Variants in PDE11A observed in about 807,000 individuals in gnomAD.
The protein encoded by PDE11A is dual 3',5'-cyclic-AMP and -GMP phosphodiesterase 11A.
PDE11A carries 100 observed loss-of-function variants against 100.5 expected under a neutral mutation model. The ratio of observed to expected loss-of-function variants is 1.00; its 90% CI spans 0.85 to 1.18. The LOEUF is 1.18. Ranked by LOEUF, PDE11A falls within the 50% of genes most tolerant of loss-of-function variation. PDE11A has a pLI of 0.00. For missense variants in PDE11A, 1,141 were observed against 1,152.6 expected (o/e 0.99, Z 0.15); for synonymous variants, 381 against 420.8 (o/e 0.91, Z 1.16).
chr2:177,701,327 T>C (rs2081193488), intron 13 of PDE11A, 116 bp from the exon 14 acceptor site: 1 of 715,256 alleles, frequency 1.4e-6, no homozygotes, highest in Admixed American at 2.0e-5. Flanking sequence ...GACACATCCT[T>C]AGGTAACTGC....
At chr2:177,808,194 C>G (rs2082901048) in intron 9 of PDE11A, among the ~76,000 whole-genome samples, 1 of 152,110 alleles carries the variant, frequency 6.6e-6, no homozygotes, top group African/African-American at 2.4e-5. Context: ...CCTAATCTAA[C>G]ATGTTTTGAG....
chr2:177,711,693 C>G lies in PDE11A; in HGVS notation c.2153+76G>C. The G allele has an allele frequency of 5.9e-6, 5 of 845,236 alleles. No homozygotes were observed. The South Asian group carries it at 7.0e-5, about 12-fold the overall frequency. The allele number at this position is 845,236 out of a possible 1,614,324, so 52.4% of individuals were successfully genotyped here. ...TCGGATGCCAGAAATTAATGCTTTA[C>G]TCTTTAGCATTCGTCACCTTTGGCT... On this transcript the variant is annotated intron_variant, in intron 13 of 19. Transcript: ENST00000286063.
chr2:177,767,059 T>C (rs1361492961), intron 10 of PDE11A, among the ~76,000 whole-genome samples: 2 of 152,210 alleles, frequency 1.3e-5, no homozygotes, highest in Non-Finnish European at 2.9e-5. Flanking sequence ...AGGCCAGGCA[T>C]GGTGGCTCAT....
At chr2:178,032,935 G>GA (rs546993196) in intron 1 of PDE11A, among the ~76,000 whole-genome samples, 58 of 152,060 alleles carry the variant, frequency 3.8e-4, no homozygotes, top group African/African-American at 1.1e-3. Flanking sequence ...ATGAAGATGA[G>GA]AAAAAAACAG....
chr2:177,887,105 T>C (rs557193081), intron 4 of PDE11A, among the ~76,000 whole-genome samples: 1 of 152,154 alleles, frequency 6.6e-6, no homozygotes, highest in African/African-American at 2.4e-5. Context: ...AGAATAAGTC[T>C]TGGTTTTTGA....
chr2:177,754,586 A>ACCTT (rs2082066367), intron 10 of PDE11A, among the ~76,000 whole-genome samples: 1 of 152,164 alleles, frequency 6.6e-6, no homozygotes, highest in South Asian at 2.1e-4. Flanking sequence ...CCCTTCCTTC[A>ACCTT]CCTTCCTCCC....
chr2:177,674,828 A>G (rs1381377509), intron 17 of PDE11A, among the ~76,000 whole-genome samples: 1 of 152,206 alleles, frequency 6.6e-6, no homozygotes, highest in Non-Finnish European at 1.5e-5. Context: ...TCTGGACCCC[A>G]CACAGTAGGT....
At chr2:177,899,576 A>G (rs1469528918) in intron 3 of PDE11A, 1 of 328,012 alleles carries the variant, frequency 3.0e-6, no homozygotes, top group Non-Finnish European at 6.4e-6. Flanking sequence ...ACTAATACAC[A>G]TCCCTTACAT....
At chr2:177,720,384 G>C (rs1386243619) in intron 12 of PDE11A, among the ~76,000 whole-genome samples, 4 of 152,138 alleles carry the variant, frequency 2.6e-5, no homozygotes, top group Admixed American at 2.6e-4. Context: ...GACAGTGTGT[G>C]ATGAAAGCAT....
chr2:177,900,078 G>T (rs926798813), intron 3 of PDE11A, among the ~76,000 whole-genome samples: 1 of 151,966 alleles, frequency 6.6e-6, no homozygotes, highest in Non-Finnish European at 1.5e-5. Flanking sequence ...CTCAGGTCAG[G>T]TATGGATTTG....
chr2:177,723,353 C>T (rs1017469871), intron 12 of PDE11A: 1 of 152,120 alleles, frequency 6.6e-6, no homozygotes, highest in African/African-American at 2.4e-5. Flanking sequence ...ATTTAAGAAG[C>T]CCCCAGTAAA....
intron 5 of PDE11A, among the ~76,000 whole-genome samples, chr2:177,871,000 T>A (rs1430788296): frequency 1.3e-5 from 2 of 152,106 alleles, no homozygotes; most frequent in Non-Finnish European, 2.9e-5. Flanking sequence ...CTGCCTTGAG[T>A]GTACTGGTTC....
chr2:177,947,268 C>G (rs2085454222), intron 2 of PDE11A, among the ~76,000 whole-genome samples: 1 of 139,822 alleles, frequency 7.2e-6, no homozygotes, highest in South Asian at 2.6e-4. Context: ...GGGAGGTGTG[C>G]CCAACAGCTC....
At chr2:177,971,686 G>A (rs1318643961) in intron 2 of PDE11A, among the ~76,000 whole-genome samples, 5 of 152,110 alleles carry the variant, frequency 3.3e-5, no homozygotes, top group Non-Finnish European at 5.9e-5. Context: ...GATGGAGGAG[G>A]CTGATATTTA....
chr2:178,024,968 T>C (rs1164695637), intron 1 of PDE11A, among the ~76,000 whole-genome samples: 1 of 152,240 alleles, frequency 6.6e-6, no homozygotes, highest in Admixed American at 6.5e-5. Context: ...TCTGAATTGA[T>C]GGAAGACTTG....
chr2:177,709,557 A>G (rs2105422204), intron 13 of PDE11A, among the ~76,000 whole-genome samples: 1 of 152,310 alleles, frequency 6.6e-6, no homozygotes, highest in East Asian at 1.9e-4. Flanking sequence ...CCTGGAGATA[A>G]GCTGGGAATT....
At chr2:177,805,848 G>C (rs1176055714) in intron 9 of PDE11A, among the ~76,000 whole-genome samples, 2 of 152,126 alleles carry the variant, frequency 1.3e-5, no homozygotes, top group African/African-American at 4.8e-5. Context: ...AGAAAAAAGA[G>C]ACAAAGCAAA....
At chr2:177,984,957 T>C (rs2085924258) in intron 2 of PDE11A, among the ~76,000 whole-genome samples, 1 of 152,238 alleles carries the variant, frequency 6.6e-6, no homozygotes, top group Non-Finnish European at 1.5e-5. Context: ...CTTTGGCAAG[T>C]TGCCTAGACA....
intron 9 of PDE11A, among the ~76,000 whole-genome samples, chr2:177,804,427 C>A (rs1313540470): frequency 6.6e-6 from 1 of 151,836 alleles, no homozygotes; most frequent in Non-Finnish European, 1.5e-5. Context: ...AGTCAAAAAA[C>A]AACAGATATT....
Sources: allele counts gnomAD v4.1 joint callset (sites outside exome capture counted in the v4.1 genomes callset), GRCh38; gene constraint gnomAD v4.1.1; transcripts MANE v1.5; gene names NCBI Gene and HGNC (gene_info 2026-07-23, HGNC 2026-07-21).